CNTN5: variants seen among roughly 807,000 people sequenced by gnomAD.
CNTN5 encodes contactin 5, also known as contactin-5.
CNTN5 carries 77 observed loss-of-function variants against 129.1 expected under a neutral mutation model. That is an observed-to-expected ratio of 0.60 (90% confidence interval 0.50 to 0.72). The LOEUF (loss-of-function observed/expected upper bound fraction) is 0.72. Ranked by LOEUF, CNTN5 falls within the 30% of genes least tolerant of loss-of-function variation. The pLI, the probability that CNTN5 is intolerant of heterozygous loss-of-function variation, is 0.00. For synonymous variants in CNTN5, 509 were observed against 465.6 expected (o/e 1.09, Z -1.20); for missense variants, 1,478 against 1,328.8 (o/e 1.11, Z -1.75).
At chr11:99,919,140 C>T (rs1949869961) in intron 7 of CNTN5, among the ~76,000 whole-genome samples, 1 of 152,148 alleles carries the variant, frequency 6.6e-6, no homozygotes, top group Admixed American at 6.6e-5. Flanking sequence ...CAAATTTTGC[C>T]TTGCTGAGAA....
At chr11:99,442,698 T>TA (rs1943887873) in intron 2 of CNTN5, among the ~76,000 whole-genome samples, 2 of 152,242 alleles carry the variant, frequency 1.3e-5, no homozygotes, top group Admixed American at 1.3e-4. Context: ...CTTGAATTTG[T>TA]AAAATCCATG....
intron 1 of CNTN5, among the ~76,000 whole-genome samples, chr11:99,126,885 A>G (rs955245839): frequency 6.6e-6 from 1 of 152,082 alleles, no homozygotes; most frequent in Non-Finnish European, 1.5e-5. Flanking sequence ...GAGTTATATG[A>G]TCTGTCTCCT....
intron 3 of CNTN5, among the ~76,000 whole-genome samples, chr11:99,678,077 TTG>T (rs1953374892): frequency 6.6e-6 from 1 of 152,108 alleles, no homozygotes; most frequent in Non-Finnish European, 1.5e-5. Context: ...TTTCTATTAT[TTG>T]GGTACATTTG....
chr11:99,033,973 C>T (rs1863551243), intron 1 of CNTN5, among the ~76,000 whole-genome samples: 1 of 151,866 alleles, frequency 6.6e-6, no homozygotes, highest in South Asian at 2.1e-4. Context: ...GAGTTTTTAG[C>T]ATGAAGCGTT....
chr11:99,589,054 A>G (rs1440872360), intron 3 of CNTN5, among the ~76,000 whole-genome samples: 3 of 152,226 alleles, frequency 2.0e-5, no homozygotes, highest in Non-Finnish European at 2.9e-5. Flanking sequence ...TAGATAGAAA[A>G]TGGCGTTGAT....
chr11:100,026,374 T>C (rs1941418814), intron 9 of CNTN5, among the ~76,000 whole-genome samples: 1 of 152,180 alleles, frequency 6.6e-6, no homozygotes, highest in African/African-American at 2.4e-5. Flanking sequence ...CAGGAAGTTC[T>C]TTATAGCACT....
chr11:99,402,350 C>A (rs982407102), intron 2 of CNTN5, among the ~76,000 whole-genome samples: 14 of 152,084 alleles, frequency 9.2e-5, no homozygotes, highest in African/African-American at 3.4e-4. Context: ...GTCCTACATT[C>A]TGTTGATCTG....
At chr11:99,726,268 G>A (rs531268368) in intron 3 of CNTN5, among the ~76,000 whole-genome samples, 5 of 152,320 alleles carry the variant, frequency 3.3e-5, no homozygotes, top group African/African-American at 1.2e-4. Flanking sequence ...GATCTGATGT[G>A]TAGTCTGTGC....
intron 1 of CNTN5, among the ~76,000 whole-genome samples, chr11:99,080,760 C>A (rs1865758427): frequency 6.6e-6 from 1 of 152,124 alleles, no homozygotes; most frequent in South Asian, 2.1e-4. Context: ...AGGGAACCAG[C>A]AGTTTCTGAC....
At chr11:100,039,023 G>A (rs1942213023) in intron 9 of CNTN5, among the ~76,000 whole-genome samples, 1 of 152,074 alleles carries the variant, frequency 6.6e-6, no homozygotes, top group Non-Finnish European at 1.5e-5. Flanking sequence ...GGTGTTAGCT[G>A]GTTATTTTGC....
chr11:99,774,538 A>G (rs1945055206), intron 3 of CNTN5, among the ~76,000 whole-genome samples: 2 of 151,914 alleles, frequency 1.3e-5, no homozygotes, highest in South Asian at 2.1e-4. Flanking sequence ...TTAAAAACAG[A>G]CTACCTTGTA....
intron 4 of CNTN5, among the ~76,000 whole-genome samples, chr11:99,831,580 G>T (rs926349035): frequency 4.6e-5 from 7 of 152,026 alleles, no homozygotes; most frequent in Non-Finnish European, 8.8e-5. Context: ...AGCTATAGCG[G>T]ATCCAACTGG....
At chr11:99,422,524 A>T (rs1158248686) in intron 2 of CNTN5, among the ~76,000 whole-genome samples, 5 of 23,538 alleles carry the variant, frequency 2.1e-4, no homozygotes, top group African/African-American at 6.1e-4. Flanking sequence ...ATTTTTATAT[A>T]TATATATATA....
At chr11:100,110,252 A>G (rs530673665) in intron 13 of CNTN5, among the ~76,000 whole-genome samples, 2 of 81,486 alleles carry the variant, frequency 2.5e-5, no homozygotes, top group East Asian at 6.6e-4. Flanking sequence ...AATTTTCTCT[A>G]TAAGTTCTAG....
At chr11:99,088,387 T>A (rs1866088486) in intron 1 of CNTN5, among the ~76,000 whole-genome samples, 1 of 152,152 alleles carries the variant, frequency 6.6e-6, no homozygotes, top group Admixed American at 6.5e-5. Context: ...TAAGAATTTT[T>A]TCCTTCGGCC....
intron 3 of CNTN5, among the ~76,000 whole-genome samples, chr11:99,669,793 A>T (rs1952960798): frequency 6.6e-6 from 1 of 152,122 alleles, no homozygotes; most frequent in South Asian, 2.1e-4. Context: ...TAAGCCAAGT[A>T]TTTAAGCTAC....
chr11:99,872,457 T>C (rs1448528070), intron 6 of CNTN5, among the ~76,000 whole-genome samples: 1 of 152,136 alleles, frequency 6.6e-6, no homozygotes, highest in Non-Finnish European at 1.5e-5. Flanking sequence ...AACACCTATG[T>C]GGAAGGAAGT....
chr11:99,326,958 T>G (rs1464626688), intron 2 of CNTN5, among the ~76,000 whole-genome samples: 1 of 152,194 alleles, frequency 6.6e-6, no homozygotes, highest in Non-Finnish European at 1.5e-5. Flanking sequence ...TAATCTGTAT[T>G]CTGTCTATAA....
intron 2 of CNTN5, among the ~76,000 whole-genome samples, chr11:99,462,389 A>C (rs1472602443): frequency 2.4e-5 from 3 of 126,590 alleles, no homozygotes; most frequent in Admixed American, 1.9e-4. Flanking sequence ...ATTTTTCAAC[A>C]TACTCCACAA....
Sources: allele counts gnomAD v4.1 joint callset (sites outside exome capture counted in the v4.1 genomes callset), GRCh38; gene constraint gnomAD v4.1.1; transcripts MANE v1.5; gene names NCBI Gene and HGNC (gene_info 2026-07-23, HGNC 2026-07-21).